Variants in ITPRID1 observed in about 807,000 individuals in gnomAD.
ITPRID1 encodes ITPR interacting domain containing 1, also known as protein ITPRID1.
Under a neutral mutation model 95.4 loss-of-function variants are expected in ITPRID1, and 96 were observed. The ratio of observed to expected loss-of-function variants is 1.01; its 90% CI spans 0.85 to 1.19. The LOEUF (loss-of-function observed/expected upper bound fraction) is 1.19. Ranked by LOEUF, ITPRID1 falls within the 50% of genes most tolerant of loss-of-function variation. The probability of loss-of-function intolerance (pLI) is 0.00; values close to 1 mark genes in which losing one functional copy is unlikely to be tolerated. For missense variants in ITPRID1, 1,339 were observed against 1,252.9 expected (o/e 1.07, Z -1.04); for synonymous variants, 510 against 453.6 (o/e 1.12, Z -1.58).
intron 8 of ITPRID1, among the ~76,000 whole-genome samples, 157 bp downstream of exon 8, chr7:31,574,899 C>G (rs531875692): frequency 6.6e-6 from 1 of 152,092 alleles, no homozygotes; most frequent in Non-Finnish European, 1.5e-5. Flanking sequence ...TCCTATATGT[C>G]CAGTGGGAGT....
intron 5 of ITPRID1, 134 bp from the exon 6 acceptor site, chr7:31,569,624 G>A (rs1784912637): frequency 3.0e-6 from 2 of 677,742 alleles, no homozygotes; most frequent in Admixed American, 5.4e-5. Context: ...TCACTGCAGT[G>A]ATGCCTTGTA....
chr7:31,621,187 G>GAT (rs2128177907), intron 10 of ITPRID1, among the ~76,000 whole-genome samples: 1 of 152,274 alleles, frequency 6.6e-6, no homozygotes, highest in South Asian at 2.1e-4. Flanking sequence ...CAATCTGCAG[G>GAT]ATATTATCCA....
intron 1 of ITPRID1, among the ~76,000 whole-genome samples, chr7:31,520,908 G>A (rs1249111180): frequency 6.6e-6 from 1 of 151,596 alleles, no homozygotes; most frequent in East Asian, 1.9e-4. Context: ...TCTTCTGCTT[G>A]CTTAGTTGTA....
intron 12 of ITPRID1, among the ~76,000 whole-genome samples, chr7:31,649,373 G>A (rs1163092853): frequency 6.6e-6 from 1 of 152,134 alleles, no homozygotes; most frequent in Non-Finnish European, 1.5e-5. Context: ...CATGGAAGGA[G>A]GAAGAAGAGA....
intron 10 of ITPRID1, among the ~76,000 whole-genome samples, chr7:31,635,370 A>G (rs1197694886): frequency 6.6e-6 from 1 of 152,200 alleles, no homozygotes; most frequent in Non-Finnish European, 1.5e-5. Flanking sequence ...AAAACGATTG[A>G]CATGCAGGCA....
intron 1 of ITPRID1, among the ~76,000 whole-genome samples, chr7:31,522,966 T>C (rs1023036767): frequency 1.3e-5 from 2 of 152,128 alleles, no homozygotes; most frequent in African/African-American, 4.8e-5. Context: ...CCACCTATAT[T>C]GTATGGGGAA....
intron 5 of ITPRID1, among the ~76,000 whole-genome samples, chr7:31,562,223 GA>G (rs1373906919): frequency 6.6e-6 from 1 of 152,030 alleles, no homozygotes; most frequent in African/African-American, 2.4e-5. Flanking sequence ...GCAAGGATAA[GA>G]CACATACAAT....
chr7:31,517,642 C>G (rs983356552), intron 1 of ITPRID1: 1 of 152,786 alleles, frequency 6.5e-6, no homozygotes. Flanking sequence ...CCCGGAACCG[C>G]GCCGGCCAGC....
intron 1 of ITPRID1, among the ~76,000 whole-genome samples, chr7:31,534,303 C>G (rs1783691827): frequency 6.6e-6 from 1 of 152,156 alleles, no homozygotes; most frequent in Non-Finnish European, 1.5e-5. Context: ...TTAAAATGCC[C>G]ATTAGGACAA....
chr7:31,579,224 A>T (rs948641859), intron 9 of ITPRID1, among the ~76,000 whole-genome samples: 1 of 151,958 alleles, frequency 6.6e-6, no homozygotes, highest in African/African-American at 2.4e-5. Context: ...TCCACTCATC[A>T]GTCTATTCAT....
intron 5 of ITPRID1, among the ~76,000 whole-genome samples, chr7:31,561,592 C>T (rs537903807): frequency 5.9e-5 from 9 of 152,330 alleles, no homozygotes; most frequent in Admixed American, 1.3e-4. Flanking sequence ...TTGCTGCTTA[C>T]GTTGTGAGTC....
intron 5 of ITPRID1, among the ~76,000 whole-genome samples, chr7:31,557,800 A>G (rs1784499344): frequency 6.6e-6 from 1 of 152,116 alleles, no homozygotes; most frequent in South Asian, 2.1e-4. Context: ...TGGAGTTGAG[A>G]TTTTCAGCTT....
intron 10 of ITPRID1, among the ~76,000 whole-genome samples, chr7:31,590,342 T>G (rs1785811320): frequency 6.6e-6 from 1 of 152,092 alleles, no homozygotes; most frequent in African/African-American, 2.4e-5. Flanking sequence ...GAGAAATTAC[T>G]TAAGAACTAA....
At chr7:31,658,364 T>C, downstream of ITPRID1, 1 of 1,519,664 alleles carries the variant, frequency 6.6e-7, no homozygotes, top group Non-Finnish European at 8.8e-7. Flanking sequence ...AAAGACTTTC[T>C]GAAGACACAA....
intron 1 of ITPRID1, among the ~76,000 whole-genome samples, chr7:31,519,330 A>G (rs1292514670): frequency 1.3e-5 from 2 of 152,120 alleles, no homozygotes; most frequent in Admixed American, 6.5e-5. Context: ...GGCGTTTCTC[A>G]TCATGAATAC....
rs770570698 is a variant in ITPRID1, at chr7:31,643,456, G to GA, written c.2090dup (p.Asn697LysfsTer45). Reference sequence around the variant, plus strand: ...ACTACCTGGGACAGAAGCTGAGATGGAAAACCTTCCTCTAAATACTGGCAG... The same window carrying GA: ...ACTACCTGGGACAGAAGCTGAGATGGAAAAACCTTCCTCTAAATACTGGCAG... On this transcript the variant is annotated frameshift_variant, in exon 12 of 15. Coordinates refer to ENST00000615280, the MANE Select transcript of ITPRID1 (RefSeq NM_001257967.3). LOFTEE classifies it high-confidence loss of function. 6.2e-7 allele frequency: 1 copy of GA among 1,613,992 alleles called. No homozygotes were observed. Among genetic ancestry groups the GA allele is most frequent in the Non-Finnish European group, 8.5e-7 (1 of 1,179,892 alleles).
chr7:31,545,748 C>T (rs973555944), intron 1 of ITPRID1, among the ~76,000 whole-genome samples: 4 of 152,036 alleles, frequency 2.6e-5, no homozygotes, highest in Admixed American at 6.6e-5. Flanking sequence ...AAGCCACCCA[C>T]GGAACAAGTC....
chr7:31,568,878 A>G (rs1341630870), intron 5 of ITPRID1, among the ~76,000 whole-genome samples: 3 of 152,192 alleles, frequency 2.0e-5, no homozygotes, highest in Non-Finnish European at 4.4e-5. Flanking sequence ...AACAACAACA[A>G]CAAGCTAAAA....
chr7:31,623,846 T>C (rs1583624790), intron 10 of ITPRID1, among the ~76,000 whole-genome samples: 1 of 152,200 alleles, frequency 6.6e-6, no homozygotes, highest in East Asian at 1.9e-4. Flanking sequence ...TGTTTGCAGA[T>C]GATATGATTT....
Sources: gnomAD v4.1 joint callset for allele counts (sites outside exome capture counted in the v4.1 genomes callset) on GRCh38, gnomAD v4.1.1 for gene constraint, MANE v1.5 for transcripts, NCBI Gene and HGNC (gene_info 2026-07-23, HGNC 2026-07-21) for gene names.